The following ALDH8A1 variants were observed in gnomAD, a reference collection of about 807,000 sequenced individuals.
ALDH8A1 encodes the protein 2-aminomuconic semialdehyde dehydrogenase.
ALDH8A1 carries 39 observed loss-of-function variants against 43.3 expected under a neutral mutation model. The observed-to-expected ratio is 0.90, with a 90% CI of 0.70 to 1.18. The LOEUF (loss-of-function observed/expected upper bound fraction) is 1.18, where lower values mean the gene tolerates loss of function less well. ALDH8A1 is among the 50% of genes most tolerant of loss of function. The pLI, the probability that ALDH8A1 is intolerant of heterozygous loss-of-function variation, is 0.00. For synonymous variants in ALDH8A1, 233 were observed against 243.5 expected, an observed-to-expected ratio of 0.96 and a Z score of 0.40; for missense variants, 605 against 622.6, an observed-to-expected ratio of 0.97 and a Z score of 0.30.
intron 6 of ALDH8A1, among the ~76,000 whole-genome samples, chr6:134,926,013 T>C (rs1445802584): frequency 7.2e-5 from 11 of 151,884 alleles, no homozygotes; most frequent in Admixed American, 2.0e-4. Flanking sequence ...GTCAAAGAGG[T>C]AATGGAACAG....
At position 134,949,909 on chromosome 6, in the gene ALDH8A1, T is replaced by C. The variant is rs1774014012; in HGVS notation, c.138+7A>G. ...CATTTCAGTCTTCTTTAAGTGCATA[T>C]ACTCACCTCGTCTTTTCCACTATTT... is the stretch of plus-strand genomic sequence containing the variant. On this transcript the variant is annotated splice_region_variant and intron_variant, in intron 1 of 6. Coordinates refer to ENST00000265605, the MANE Select transcript of ALDH8A1 (RefSeq NM_022568.4). 1.9e-6 allele frequency: 3 copies of C among 1,588,938 alleles called. No homozygotes were observed. The highest frequency in any genetic ancestry group is 2.6e-6 in the Non-Finnish European group (3 of 1,167,234).
rs546101643 is a variant in ALDH8A1, at chr6:134,930,954, AG to A, written c.850-1740del. On this transcript the variant is annotated intron_variant, in intron 5 of 6. Coordinates refer to ENST00000265605, the MANE Select transcript of ALDH8A1 (RefSeq NM_022568.4). ...TTTCCAGTTTACAGGTAGGAGAAAA[AG>A]TTTTGAATTAGTACATGTCCAGGGT... is the stretch of plus-strand genomic sequence containing the variant. Among the ~76,000 whole-genome samples the A allele has an allele frequency of 4.0e-3, 610 of 152,288 alleles. 11 individuals carry two copies. Among genetic ancestry groups the A allele is most frequent in the African/African-American group, 0.014 (587 of 41,562 alleles).
rs564106640 is a variant in ALDH8A1 at position 134,935,478 on chromosome 6, G to A, written c.593-2446C>T. On this transcript the variant is annotated intron_variant, in intron 4 of 6. Transcript: ENST00000265605. ...TTCAAATTAGAAATGGTTCATGAAT[G>A]GGGAAGCTTTAAAAAGAAAATCATC... is the stretch of plus-strand genomic sequence containing the variant. 2.0e-5 allele frequency among the ~76,000 whole-genome samples: 3 copies of A among 152,318 alleles called. No individual in the cohort carries two copies. The East Asian group carries it at 5.8e-4, about 29-fold the overall frequency.
intron 2 of ALDH8A1, 142 bp downstream of exon 2, chr6:134,943,677 T>G (rs1773900380): frequency 7.7e-7 from 1 of 1,296,710 alleles, no homozygotes; most frequent in Non-Finnish European, 1.0e-6. Context: ...TTCCCAGGCC[T>G]GGAGCAGGGG....
chr6:134,948,301 A>G (rs572339724), intron 1 of ALDH8A1, among the ~76,000 whole-genome samples: 2 of 152,290 alleles, frequency 1.3e-5, no homozygotes, highest in East Asian at 3.9e-4. Context: ...ATATGGTTAA[A>G]AGGAATAAGT....
chr6:134,922,078 T>C (rs2114676961), intron 6 of ALDH8A1, among the ~76,000 whole-genome samples: 1 of 152,258 alleles, frequency 6.6e-6, no homozygotes, highest in South Asian at 2.1e-4. Flanking sequence ...AGTGGAGCAG[T>C]GAGGATGGCA....
chr6:134,940,878 G>A (rs1475631918), intron 3 of ALDH8A1, among the ~76,000 whole-genome samples: 1 of 152,214 alleles, frequency 6.6e-6, no homozygotes, highest in East Asian at 1.9e-4. Context: ...TTCCTAGGAG[G>A]AGGTAGAGCT....
intron 5 of ALDH8A1, among the ~76,000 whole-genome samples, chr6:134,929,936 A>T (rs571424876): frequency 1.3e-5 from 2 of 152,338 alleles, no homozygotes; most frequent in African/African-American, 2.4e-5. Flanking sequence ...AGAGCAGAGG[A>T]GTTAAGAGAA....
intron 6 of ALDH8A1, among the ~76,000 whole-genome samples, chr6:134,928,476 C>T (rs532110229): frequency 6.6e-5 from 10 of 152,160 alleles, no homozygotes; most frequent in Non-Finnish European, 1.5e-4. Flanking sequence ...AAATGTATGA[C>T]TTATTTTGGG....
chr6:134,944,318 C>T (rs1773915536), intron 1 of ALDH8A1: 1 of 185,824 alleles, frequency 5.4e-6, no homozygotes, highest in Non-Finnish European at 1.1e-5. Flanking sequence ...AACCACTCGC[C>T]TCGGCCTCCC....
At chr6:134,937,874 G>A (rs541790074) in intron 4 of ALDH8A1, among the ~76,000 whole-genome samples, 32 of 151,780 alleles carry the variant, frequency 2.1e-4, no homozygotes, top group Non-Finnish European at 3.5e-4. Context: ...CCTCCACCTC[G>A]AAGCCTGGGA....
chr6:134,924,308 C>T lies in ALDH8A1; in HGVS notation c.1011+4746G>A, dbSNP rs1304389945. 2.0e-5 allele frequency among the ~76,000 whole-genome samples: 3 copies of T among 152,198 alleles called. No homozygotes were observed. The East Asian group carries it at 5.8e-4, about 29-fold the overall frequency. ...ATACATACTTGCCTGATAACAAAAA[C>T]TATCACAAGGGACTCTACAAACCAC... On this transcript the variant is annotated intron_variant, in intron 6 of 6. Transcript: ENST00000265605.
chr6:134,924,947 A>G (rs1776860493), intron 6 of ALDH8A1, among the ~76,000 whole-genome samples: 1 of 152,210 alleles, frequency 6.6e-6, no homozygotes, highest in Non-Finnish European at 1.5e-5. Context: ...GTAGTATAAT[A>G]GAAATATCTT....
intron 6 of ALDH8A1, among the ~76,000 whole-genome samples, chr6:134,919,786 A>G (rs559664381): frequency 1.3e-5 from 2 of 152,242 alleles, no homozygotes; most frequent in African/African-American, 4.8e-5. Context: ...CCAGGATTAC[A>G]TTAGAACTCC....
At chr6:134,935,953 CTTT>C (rs5880239) in intron 4 of ALDH8A1, among the ~76,000 whole-genome samples, 2 of 138,898 alleles carry the variant, frequency 1.4e-5, no homozygotes, top group Non-Finnish European at 1.6e-5. Flanking sequence ...AGCCCCACTT[CTTT>C]TTTTTTTTTT....
chr6:134,933,015 CCA>C lies in ALDH8A1; in HGVS notation c.608_609del (p.Val203GlyfsTer13). 6.3e-7 allele frequency: 1 copy of C among 1,586,698 alleles called. No individual in the cohort carries two copies. Among genetic ancestry groups the C allele is most frequent in the Non-Finnish European group, 8.6e-7 (1 of 1,167,050 alleles). On this transcript the variant is annotated frameshift_variant, in exon 5 of 7. Transcript: ENST00000265605. LOFTEE classifies it high-confidence loss of function. ...LLDKAGVPPG[V>X]VNIVFGTGPR... ...GGCCCGGTTCCAAACACAATATTGA[CCA>C]CACCTGGTGGAACACCTGGATAGGA... is the stretch of plus-strand genomic sequence containing the variant.
intron 5 of ALDH8A1, among the ~76,000 whole-genome samples, chr6:134,930,961 A>T (rs2114689625): frequency 1.3e-5 from 2 of 152,326 alleles, no homozygotes; most frequent in Admixed American, 1.3e-4. Flanking sequence ...AAAAGTTTTG[A>T]ATTAGTACAT....
chr6:134,933,949 T>C (rs2114694155), intron 4 of ALDH8A1, among the ~76,000 whole-genome samples: 1 of 152,292 alleles, frequency 6.6e-6, no homozygotes, highest in Admixed American at 6.5e-5. Flanking sequence ...CCTCAAGTGA[T>C]CTGCCCACCT....
Position 134,950,085 on chromosome 6 carries a change from G to C in ALDH8A1, c.-32C>G, listed in dbSNP as rs138487293. ...GAAAAATTCTGCCTTTCCTCTTTAC[G>C]ACTGAGCACTCAGGTTGTCCCCACC... is the stretch of plus-strand genomic sequence containing the variant. On this transcript the variant is annotated 5_prime_UTR_variant, in exon 1 of 7. Transcript: ENST00000265605. 188 of 1,579,852 alleles carry C rather than the reference G, an allele frequency of 1.2e-4. 1 individual carries two copies. The African/African-American group carries it at 2.1e-3, about 18-fold the overall frequency.
Sources: allele counts gnomAD v4.1 joint callset (sites outside exome capture counted in the v4.1 genomes callset), GRCh38; gene constraint gnomAD v4.1.1; transcripts MANE v1.5; gene names NCBI Gene and HGNC (gene_info 2026-07-23, HGNC 2026-07-21).